The following COBLL1 variants were observed in gnomAD, a reference collection of about 807,000 sequenced individuals.
COBLL1 encodes cordon-bleu protein-like 1.
In COBLL1, 50 loss-of-function variants were observed where a neutral mutation model predicts 94.8. That is an observed-to-expected ratio of 0.53 (90% CI 0.42 to 0.67). COBLL1 has a LOEUF of 0.67. Among genes scored for constraint, COBLL1 ranks in the 30% least tolerant of loss-of-function variants. COBLL1 has a pLI of 0.00. For synonymous variants in COBLL1, 448 were observed against 473.8 expected (o/e 0.95, Z 0.71); for missense variants, 1,362 against 1,348.7 (o/e 1.01, Z -0.15).
chr2:164,692,174 A>G (rs16849663), intron 13 of COBLL1, 47 bp downstream of exon 13: 57,898 of 1,489,544 alleles, frequency 0.039, 1,361 homozygotes, highest in Non-Finnish European at 0.044. Context: ...TAGTTTGACA[A>G]TGGTGACAAT....
chr2:164,831,416 T>C (rs533980874), intron 2 of COBLL1, among the ~76,000 whole-genome samples: 1 of 151,768 alleles, frequency 6.6e-6, no homozygotes, highest in Non-Finnish European at 1.5e-5. Flanking sequence ...TAGGGATCAT[T>C]TAAATTTTAC....
chr2:164,802,397 T>C (rs1683853992), intron 2 of COBLL1, among the ~76,000 whole-genome samples: 1 of 152,114 alleles, frequency 6.6e-6, no homozygotes, highest in Non-Finnish European at 1.5e-5. Flanking sequence ...AATTCATACA[T>C]CCAAATGTGT....
At chr2:164,729,257 T>C (rs929344479) in intron 4 of COBLL1, among the ~76,000 whole-genome samples, 2 of 151,732 alleles carry the variant, frequency 1.3e-5, no homozygotes, top group Admixed American at 6.6e-5. Flanking sequence ...CAATTTAATA[T>C]ACAAACTTTT....
intron 2 of COBLL1, among the ~76,000 whole-genome samples, chr2:164,828,237 T>C (rs113943905): frequency 2.6e-3 from 401 of 152,276 alleles, no homozygotes; most frequent in Non-Finnish European, 4.6e-3. Context: ...ACCTATCCAA[T>C]AACTGATCAT....
chr2:164,700,705 A>G lies in COBLL1; in HGVS notation c.1277T>C (p.Leu426Pro). 1 of 1,613,414 alleles carries G rather than the reference A, an allele frequency of 6.2e-7. No homozygotes were observed. Among genetic ancestry groups the G allele is most frequent in the Non-Finnish European group, 8.5e-7 (1 of 1,179,472 alleles). The change falls in exon 10 of 14, where the codon CTG becomes CCG. Residue 426 changes from leucine to proline, a missense_variant. Physicochemically the swap from Leu to Pro is moderately conservative, Grantham distance 98 (BLOSUM62 -3). Coordinates refer to ENST00000652658, the MANE Select transcript of COBLL1 (RefSeq NM_001365672.2). ...SLEEIDEKEE[L>P]SEVPKVEAEN... ...AGCTTCAACTTTAGGCACTTCACTC[A>G]GTTCTTCCTTTTCATCTATCTCTTC...
intron 2 of COBLL1, among the ~76,000 whole-genome samples, chr2:164,763,046 C>A (rs1001837348): frequency 4.6e-5 from 7 of 152,190 alleles, no homozygotes; most frequent in Non-Finnish European, 1.0e-4. Context: ...CATGAACATG[C>A]TCATTTGTTT....
At chr2:164,808,585 G>T (rs1353154307) in intron 2 of COBLL1, among the ~76,000 whole-genome samples, 2 of 152,126 alleles carry the variant, frequency 1.3e-5, no homozygotes, top group Non-Finnish European at 2.9e-5. Context: ...ACATCTGTTA[G>T]TGTCTTTTAA....
At chr2:164,661,336 T>C (rs1691067966) in intron 2 of COBLL1, among the ~76,000 whole-genome samples, 1 of 152,130 alleles carries the variant, frequency 6.6e-6, no homozygotes, top group South Asian at 2.1e-4. Flanking sequence ...AAATGAATCC[T>C]TGAAGGATAC....
chr2:164,687,402 G>C, intron 13 of COBLL1: 2 of 869,982 alleles, frequency 2.3e-6, no homozygotes, highest in Non-Finnish European at 3.8e-6. Flanking sequence ...CATTGAACTT[G>C]GTGAAGCCCC....
At chr2:164,805,468 G>T (rs917541616) in intron 2 of COBLL1, among the ~76,000 whole-genome samples, 3 of 148,348 alleles carry the variant, frequency 2.0e-5, no homozygotes. Flanking sequence ...TGGTTTTACC[G>T]CCCTAAAAAT....
chr2:164,695,246 T>C lies in COBLL1; in HGVS notation c.2146A>G (p.Lys716Glu). 1 of 1,614,006 alleles carries C rather than the reference T, an allele frequency of 6.2e-7. No individual in the cohort carries two copies. Among genetic ancestry groups the C allele is most frequent in the Non-Finnish European group, 8.5e-7 (1 of 1,179,960 alleles). The change falls in exon 12 of 14, where the codon AAA becomes GAA. Residue 716 changes from lysine (K) to glutamate (E), a missense_variant. Lys to Glu is a moderately conservative substitution (Grantham distance 56). Coordinates refer to ENST00000652658, the MANE Select transcript of COBLL1 (RefSeq NM_001365672.2). Reference sequence around the variant, plus strand: ...TCTCGTGTAATTTCATTTGAAGGTTTTGGCTTGGGATTGTAGTCCTGTCTA... The same window carrying C: ...TCTCGTGTAATTTCATTTGAAGGTTCTGGCTTGGGATTGTAGTCCTGTCTA... ...LYRQDYNPKP[K>E]PSNEITREYI...
Position 164,717,271 on chromosome 2 carries a change from C to T in COBLL1, c.996+4804G>A, listed in dbSNP as rs1015663322. On this transcript the variant is annotated intron_variant, in intron 7 of 13. Coordinates refer to ENST00000652658, the MANE Select transcript of COBLL1 (RefSeq NM_001365672.2). ...AATAAAAGTGTCTAAAATTCACATA[C>T]TTAGAACCAATTTGGTCATACATAT... is the stretch of plus-strand genomic sequence containing the variant. Among the ~76,000 whole-genome samples, 8 of 152,196 alleles carry T rather than the reference C, an allele frequency of 5.3e-5. No individual in the cohort carries two copies. In the East Asian group the frequency reaches 1.3e-3, roughly 26 times the overall value.
intron 7 of COBLL1, among the ~76,000 whole-genome samples, chr2:164,709,889 T>C (rs1411419214): frequency 6.6e-6 from 1 of 152,174 alleles, no homozygotes; most frequent in Non-Finnish European, 1.5e-5. Context: ...TAACAACTGG[T>C]ATAAGTCGTG....
chr2:164,699,333 T>A (rs184105486), intron 11 of COBLL1, 72 bp downstream of exon 11: 25 of 932,596 alleles, frequency 2.7e-5, no homozygotes, highest in Non-Finnish European at 4.1e-5. Context: ...TTAATACATA[T>A]AAAGTGTTAA....
intron 7 of COBLL1, among the ~76,000 whole-genome samples, chr2:164,706,122 T>C (rs377413621): frequency 6.6e-6 from 1 of 152,336 alleles, no homozygotes; most frequent in East Asian, 1.9e-4. Flanking sequence ...AATGATACTT[T>C]TCCCAGCCTT....
intron 1 of COBLL1, among the ~76,000 whole-genome samples, chr2:164,669,488 T>G (rs1212343761): frequency 6.6e-6 from 1 of 152,190 alleles, no homozygotes; most frequent in East Asian, 1.9e-4. Flanking sequence ...CCAAAGACTT[T>G]CTTGCAACAT....
At chr2:164,761,013 G>T (rs1022878693) in intron 2 of COBLL1, among the ~76,000 whole-genome samples, 2 of 152,120 alleles carry the variant, frequency 1.3e-5, no homozygotes, top group African/African-American at 4.8e-5. Flanking sequence ...TACTAAAGAA[G>T]TCCTACCCAC....
rs928722150 is a variant in COBLL1 at position 164,683,837 on chromosome 2, A to C, written c.*2109T>G. On this transcript the variant is annotated 3_prime_UTR_variant, in exon 14 of 14. Transcript: ENST00000652658. ...CATTTGGACTGCTGTGTGGAAGTCT[A>C]TCATATGAATATATGCATTACTAAA... 1 of 152,180 alleles carries C rather than the reference A, an allele frequency of 6.6e-6. No homozygotes were observed. The highest frequency in any genetic ancestry group is 2.4e-5 in the African/African-American group (1 of 41,456). 9.4% of individuals were successfully genotyped at this position (152,180 alleles called of 1,614,324 possible). A position where few individuals can be genotyped will look rare whatever the true frequency, so the allele number is the denominator to read the frequency against.
intron 2 of COBLL1, among the ~76,000 whole-genome samples, chr2:164,824,046 A>C (rs1001612234): frequency 6.6e-6 from 1 of 152,224 alleles, no homozygotes; most frequent in African/African-American, 2.4e-5. Flanking sequence ...AAGAAAAAGG[A>C]ATATATAAAT....
Sources: allele counts gnomAD v4.1 joint callset (sites outside exome capture counted in the v4.1 genomes callset), GRCh38; gene constraint gnomAD v4.1.1; transcripts MANE v1.5; gene names NCBI Gene and HGNC (gene_info 2026-07-23, HGNC 2026-07-21).